AGAP1: variants seen among roughly 807,000 people sequenced by gnomAD.
AGAP1 encodes the protein ArfGAP with GTPase domain, ankyrin repeat and PH domain 1.
In AGAP1, 29 loss-of-function variants were observed where a neutral mutation model predicts 105.3. That is an observed-to-expected ratio of 0.28 (90% CI 0.21 to 0.38). The LOEUF is 0.38. AGAP1 is among the 10% of genes least tolerant of loss of function. AGAP1 has a pLI of 1.00. For missense variants in AGAP1, 998 were observed against 1,165.1 expected (o/e 0.86, Z 2.09); for synonymous variants, 509 against 485.9 (o/e 1.05, Z -0.63).
chr2:235,894,725 A>G (rs2050722230), intron 10 of AGAP1, among the ~76,000 whole-genome samples: 1 of 152,124 alleles, frequency 6.6e-6, no homozygotes, highest in Non-Finnish European at 1.5e-5. Flanking sequence ...GCAAATCTAA[A>G]TTACCTCCTT....
intron 10 of AGAP1, among the ~76,000 whole-genome samples, chr2:235,898,183 C>G (rs1437751199): frequency 1.3e-5 from 2 of 152,206 alleles, no homozygotes; most frequent in South Asian, 2.1e-4. Flanking sequence ...CCGCAGGGCA[C>G]TTGATAGCAT....
intron 6 of AGAP1, among the ~76,000 whole-genome samples, chr2:235,763,400 G>A (rs558614702): frequency 1.3e-5 from 2 of 152,224 alleles, no homozygotes; most frequent in South Asian, 2.1e-4. Context: ...ATTTTTGCAC[G>A]GCATTTCCTT....
chr2:236,004,301 C>T (rs764736143), intron 13 of AGAP1, among the ~76,000 whole-genome samples: 4 of 152,020 alleles, frequency 2.6e-5, no homozygotes, highest in Non-Finnish European at 2.9e-5. Flanking sequence ...CCAGCTTTAC[C>T]GAACTTTGTC....
At chr2:236,097,677 G>A (rs937217991) in intron 16 of AGAP1, among the ~76,000 whole-genome samples, 2 of 152,094 alleles carry the variant, frequency 1.3e-5, no homozygotes, top group Non-Finnish European at 1.5e-5. Context: ...GGTGGATCAC[G>A]TGGTCAGGAC....
chr2:235,970,565 C>T lies in AGAP1; in HGVS notation c.1645+1942C>T, dbSNP rs1255474127. 2.0e-5 allele frequency among the ~76,000 whole-genome samples: 3 copies of T among 152,204 alleles called. No individual in the cohort carries two copies. The highest frequency in any genetic ancestry group is 6.5e-5 in the Admixed American group (1 of 15,282). ...GGCCTTGTTCTCACTTTCACAGGCACGCGTCTTCTTGCATTTGTTGTGTGT... is the reference window on the plus strand; with the variant it reads ...GGCCTTGTTCTCACTTTCACAGGCATGCGTCTTCTTGCATTTGTTGTGTGT... On this transcript the variant is annotated intron_variant, in intron 13 of 17. Transcript: ENST00000304032. The surrounding 1 kb of genome is among the most constrained non-coding windows in gnomAD (Gnocchi z 5.4).
Position 236,003,481 on chromosome 2 carries a change from C to T in AGAP1, c.1646-33080C>T, listed in dbSNP as rs536576492. On this transcript the variant is annotated intron_variant, in intron 13 of 17. Coordinates refer to ENST00000304032, the MANE Select transcript of AGAP1 (RefSeq NM_001037131.3). The surrounding 1 kb of genome is among the most constrained non-coding windows in gnomAD (Gnocchi z 4.2). The stretch of plus-strand genomic sequence containing the variant: ...TGGTCGCACGTCCTCCTCATGGCCA[C>T]GCTGGGATGGAGGTGGACTCTGAGC... 4.6e-5 allele frequency among the ~76,000 whole-genome samples: 7 copies of T among 152,354 alleles called. No homozygotes were observed. Among genetic ancestry groups the T allele is most frequent in the South Asian group, 2.1e-4 (1 of 4,828 alleles).
Position 235,979,625 on chromosome 2 carries a change from C to T in AGAP1, c.1645+11002C>T, listed in dbSNP as rs947500110. Reference sequence around the variant, plus strand: ...CAGCGAACGTTCCGGCAGGCATTGCCGTGCACGGACACACAACTTCACAAG... The same window carrying T: ...CAGCGAACGTTCCGGCAGGCATTGCTGTGCACGGACACACAACTTCACAAG... On this transcript the variant is annotated intron_variant, in intron 13 of 17. Transcript: ENST00000304032. The surrounding 1 kb of genome is among the most constrained non-coding windows in gnomAD (Gnocchi z 4.5). Among the ~76,000 whole-genome samples the T allele has an allele frequency of 3.9e-5, 6 of 152,254 alleles. No homozygotes were observed. The highest frequency in any genetic ancestry group is 4.1e-4 in the South Asian group (2 of 4,820).
intron 1 of AGAP1, among the ~76,000 whole-genome samples, chr2:235,523,003 A>G (rs1366379580): frequency 6.6e-6 from 1 of 152,066 alleles, no homozygotes; most frequent in East Asian, 1.9e-4. Flanking sequence ...CTTCAACAAT[A>G]GTCGTTTATG....
rs113629823 is a variant in AGAP1, at chr2:235,586,084, G to A, written c.163+91235G>A. ...TAGGAGCTTCATGAGCGAGTCAAAT[G>A]CAAGTTGGGGAAGTGGCTGAAAAAA... On this transcript the variant is annotated intron_variant, in intron 1 of 17. Coordinates refer to ENST00000304032, the MANE Select transcript of AGAP1 (RefSeq NM_001037131.3). The surrounding 1 kb of genome is among the most constrained non-coding windows in gnomAD (Gnocchi z 4.2). Among the ~76,000 whole-genome samples the A allele has an allele frequency of 6.6e-6, 1 of 152,166 alleles. No homozygotes were observed. Among genetic ancestry groups the A allele is most frequent in the African/African-American group, 2.4e-5 (1 of 41,444 alleles).
rs1400895217 is a variant in AGAP1 at position 235,494,078 on chromosome 2, A to C, written c.-609A>C. The C allele has an allele frequency of 6.9e-6, 1 of 145,262 alleles. No individual in the cohort carries two copies. Among genetic ancestry groups the C allele is most frequent in the Non-Finnish European group, 1.5e-5 (1 of 65,298 alleles). 9.0% of individuals were successfully genotyped at this position (145,262 alleles called of 1,614,324 possible). On this transcript the variant is annotated 5_prime_UTR_variant, in exon 1 of 18. Coordinates refer to ENST00000304032, the MANE Select transcript of AGAP1 (RefSeq NM_001037131.3). ...GTGCCAGGGAGGGGGCCGGCCGGGC[A>C]GGCGGCGGGCGGCGCTCGGAGCGGG... is the stretch of plus-strand genomic sequence containing the variant.
chr2:235,812,698 CCCTT>C (rs1958219630), intron 9 of AGAP1, among the ~76,000 whole-genome samples: 1 of 152,194 alleles, frequency 6.6e-6, no homozygotes, highest in Non-Finnish European at 1.5e-5. Context: ...AATGGCAGTG[CCCTT>C]CCTTCAGGGG....
In AGAP1 at chr2:235,639,898, C is replaced by A. The variant is rs1266264891; in HGVS notation, c.164-69281C>A. Reference sequence around the variant, plus strand: ...TAGAGTCAGCAGGGATGGACAGTTTCCCCTTCAGCACCTTTATAGTTGTAA... The same window carrying A: ...TAGAGTCAGCAGGGATGGACAGTTTACCCTTCAGCACCTTTATAGTTGTAA... On this transcript the variant is annotated intron_variant, in intron 1 of 17. Coordinates refer to ENST00000304032, the MANE Select transcript of AGAP1 (RefSeq NM_001037131.3). This position sits in a 1 kb window ranked among gnomAD's most constrained non-coding sequence, Gnocchi z 5.3. Among the ~76,000 whole-genome samples the A allele has an allele frequency of 1.3e-5, 2 of 152,168 alleles. No individual in the cohort carries two copies. The highest frequency in any genetic ancestry group is 4.8e-5 in the African/African-American group (2 of 41,446).
In AGAP1 at chr2:235,744,651, A is replaced by G. The variant is rs776822366; in HGVS notation, c.397-47A>G. ...ATGCAGACATCTCTGTTCTTAATCA[A>G]GCCTGCTCACTCAGCTCCTGCTCTC... is the stretch of plus-strand genomic sequence containing the variant. On this transcript the variant is annotated intron_variant, in intron 4 of 17. Coordinates refer to ENST00000304032, the MANE Select transcript of AGAP1 (RefSeq NM_001037131.3). The surrounding 1 kb of genome is among the most constrained non-coding windows in gnomAD (Gnocchi z 5.2). The G allele has an allele frequency of 2.5e-6, 4 of 1,611,470 alleles. No individual in the cohort carries two copies. In the Admixed American group the frequency reaches 6.7e-5, roughly 27 times the overall value.
At chr2:236,039,375 A>G (rs1257912069) in intron 14 of AGAP1, among the ~76,000 whole-genome samples, 1 of 152,084 alleles carries the variant, frequency 6.6e-6, no homozygotes, top group East Asian at 1.9e-4. Flanking sequence ...AGCCCAGGAG[A>G]TGGAGGCTGC....
intron 13 of AGAP1, among the ~76,000 whole-genome samples, chr2:236,028,656 T>C (rs554371084): frequency 6.6e-6 from 1 of 152,342 alleles, no homozygotes; most frequent in East Asian, 1.9e-4. Flanking sequence ...TCATATACCA[T>C]GTGAATGTCT....
chr2:235,959,652 A>G lies in AGAP1; in HGVS notation c.1484-8810A>G, dbSNP rs2054098872. On this transcript the variant is annotated intron_variant, in intron 12 of 17. Coordinates refer to ENST00000304032, the MANE Select transcript of AGAP1 (RefSeq NM_001037131.3). This position sits in a 1 kb window ranked among gnomAD's most constrained non-coding sequence, Gnocchi z 7.3. ...TCTGTCTCCTGCCACGGCCCCCCTC[A>G]ATTCACATCCTAATTCACCCCGCCA... Among the ~76,000 whole-genome samples, 1 of 151,780 alleles carries G rather than the reference A, an allele frequency of 6.6e-6. No homozygotes were observed. Among genetic ancestry groups the G allele is most frequent in the African/African-American group, 2.4e-5 (1 of 41,306 alleles).
chr2:235,827,697 C>T (rs1255851424), intron 9 of AGAP1, among the ~76,000 whole-genome samples: 1 of 152,206 alleles, frequency 6.6e-6, no homozygotes, highest in Non-Finnish European at 1.5e-5. Flanking sequence ...GCTGAATCGT[C>T]ACCGGCATTG....
At chr2:236,031,432 G>A (rs1255922908) in intron 13 of AGAP1, among the ~76,000 whole-genome samples, 2 of 152,104 alleles carry the variant, frequency 1.3e-5, no homozygotes, top group Non-Finnish European at 2.9e-5. Flanking sequence ...CCTTCTCCAG[G>A]AGCCTGGAGC....
In AGAP1 at chr2:236,080,519, G is replaced by A. The variant is rs1189279581; in HGVS notation, c.2114+31238G>A. Among the ~76,000 whole-genome samples the A allele has an allele frequency of 6.6e-6, 1 of 152,216 alleles. No homozygotes were observed. The highest frequency in any genetic ancestry group is 1.5e-5 in the Non-Finnish European group (1 of 68,028). On this transcript the variant is annotated intron_variant, in intron 16 of 17. Transcript: ENST00000304032. This position sits in a 1 kb window ranked among gnomAD's most constrained non-coding sequence, Gnocchi z 4.2. ...ACACTAGACATCAAGCTCAATGGAT[G>A]CCACCAAGGGCAGCCACCTGCTGTA... is the stretch of plus-strand genomic sequence containing the variant.
Sources: allele counts gnomAD v4.1 joint callset (sites outside exome capture counted in the v4.1 genomes callset), GRCh38; gene constraint gnomAD v4.1.1; non-coding constraint Gnocchi (gnomAD v3.1); transcripts MANE v1.5; gene names NCBI Gene and HGNC (gene_info 2026-07-23, HGNC 2026-07-21).